CACNA1C: variants seen among roughly 807,000 people sequenced by gnomAD.
CACNA1C encodes the protein voltage-dependent L-type calcium channel subunit alpha-1C.
In CACNA1C, 30 loss-of-function variants were observed where a neutral mutation model predicts 229.0. The observed-to-expected ratio is 0.13, with a 90% CI of 0.10 to 0.18. The LOEUF is 0.18. Ranked by LOEUF, CACNA1C falls within the 10% of genes least tolerant of loss-of-function variation. The probability of loss-of-function intolerance (pLI) is 1.00; values close to 1 mark genes in which losing one functional copy is unlikely to be tolerated. For synonymous variants in CACNA1C, 1,114 were observed against 1,132.5 expected (o/e 0.98, Z 0.33); for missense variants, 1,658 against 2,845.0 (o/e 0.58, Z 9.49).
At chr12:2,436,693 TGGAA>T (rs2099138237) in intron 3 of CACNA1C, among the ~76,000 whole-genome samples, 1 of 152,098 alleles carries the variant, frequency 6.6e-6, no homozygotes, top group South Asian at 2.1e-4. Context: ...TGATAAGGGG[TGGAA>T]GCACTGGGCA....
At chr12:2,243,424 A>G (rs2071488785) in intron 3 of CACNA1C, among the ~76,000 whole-genome samples, 1 of 152,252 alleles carries the variant, frequency 6.6e-6, no homozygotes, top group South Asian at 2.1e-4. Context: ...CTGGTGGCTC[A>G]TAGTCCTAAA....
intron 3 of CACNA1C, among the ~76,000 whole-genome samples, chr12:2,205,851 C>G (rs561901857): frequency 6.6e-6 from 1 of 152,134 alleles, no homozygotes; most frequent in Non-Finnish European, 1.5e-5. Context: ...CTTCCTGGCT[C>G]GTGGACATTT....
rs2097805288 is a variant in CACNA1C, at chr12:2,693,172, C to G, written c.*1973C>G. On this transcript the variant is annotated 3_prime_UTR_variant, in exon 47 of 47. Transcript: ENST00000399655. ...GCCTCTTGCTGTGAGAGACCAGGACCTATTTTATTCCAGTCTTCACTCTGT... is the reference window on the plus strand; with the variant it reads ...GCCTCTTGCTGTGAGAGACCAGGACGTATTTTATTCCAGTCTTCACTCTGT... The G allele has an allele frequency of 1.3e-5, 2 of 152,166 alleles. No individual in the cohort carries two copies. The highest frequency in any genetic ancestry group is 4.8e-5 in the African/African-American group (2 of 41,430). The allele number at this position is 152,166 out of a possible 1,614,324, so 9.4% of individuals were successfully genotyped here.
At chr12:2,304,061 C>T (rs2094807541) in intron 3 of CACNA1C, among the ~76,000 whole-genome samples, 1 of 152,172 alleles carries the variant, frequency 6.6e-6, no homozygotes, top group African/African-American at 2.4e-5. Context: ...AAGAAAGCTG[C>T]AACATGTGCC....
chr12:2,128,010 C>G (rs1445733949), intron 3 of CACNA1C, among the ~76,000 whole-genome samples: 2 of 152,196 alleles, frequency 1.3e-5, no homozygotes, highest in Non-Finnish European at 2.9e-5. Flanking sequence ...CCCTCTTGTT[C>G]ATGGCTGTAT....
chr12:2,052,421 C>G (rs1272283255), upstream of CACNA1C, among the ~76,000 whole-genome samples: 1 of 152,090 alleles, frequency 6.6e-6, no homozygotes, highest in Non-Finnish European at 1.5e-5. Flanking sequence ...GTGGCCCGAT[C>G]CGAAACGAGA....
intron 3 of CACNA1C, among the ~76,000 whole-genome samples, chr12:2,299,745 T>G (rs753262214): frequency 6.6e-6 from 1 of 151,648 alleles, no homozygotes; most frequent in Non-Finnish European, 1.5e-5. Context: ...TTCCTAGGAG[T>G]GAAGATTTTA....
intron 3 of CACNA1C, among the ~76,000 whole-genome samples, chr12:2,171,495 C>T (rs969603515): frequency 1.3e-4 from 20 of 152,172 alleles, no homozygotes; most frequent in African/African-American, 4.8e-4. Flanking sequence ...GTGGGGACTC[C>T]ACAGGGTTCC....
At chr12:2,184,405 T>G in intron 3 of CACNA1C, among the ~76,000 whole-genome samples, 1 of 152,212 alleles carries the variant, frequency 6.6e-6, no homozygotes, top group South Asian at 2.1e-4. Flanking sequence ...CTGGTTGCTG[T>G]AGATGATCTG....
chr12:2,439,042 C>A (rs1304137954), intron 3 of CACNA1C, among the ~76,000 whole-genome samples: 8 of 152,194 alleles, frequency 5.3e-5, no homozygotes, highest in Non-Finnish European at 1.2e-4. Flanking sequence ...CACTCCATTG[C>A]CCCCAAAGAA....
intron 3 of CACNA1C, among the ~76,000 whole-genome samples, chr12:2,408,262 A>G (rs939915808): frequency 6.6e-6 from 1 of 152,220 alleles, no homozygotes; most frequent in Non-Finnish European, 1.5e-5. Context: ...GGGATTTATT[A>G]TTTATTAAAT....
At chr12:2,308,948 T>C (rs1644003512) in intron 3 of CACNA1C, among the ~76,000 whole-genome samples, 1 of 151,970 alleles carries the variant, frequency 6.6e-6, no homozygotes, top group Non-Finnish European at 1.5e-5. Context: ...CTCAAAAAAA[T>C]GAAAATAGAA....
At chr12:2,019,713 C>G (rs1280428816) in intron 1 of CACNA1C, among the ~76,000 whole-genome samples, 1 of 152,138 alleles carries the variant, frequency 6.6e-6, no homozygotes, top group Non-Finnish European at 1.5e-5. Context: ...ATTTGATTTG[C>G]TCACAGATTG....
intron 9 of CACNA1C, among the ~76,000 whole-genome samples, chr12:2,541,943 G>A (rs1378850224): frequency 1.3e-5 from 2 of 152,070 alleles, no homozygotes; most frequent in Admixed American, 6.6e-5. Flanking sequence ...AAAAAGCTCC[G>A]AGACGGGGGC....
chr12:2,505,143 G>A (rs1245053629), intron 8 of CACNA1C, among the ~76,000 whole-genome samples, 198 bp downstream of exon 8: 4 of 152,040 alleles, frequency 2.6e-5, no homozygotes, highest in African/African-American at 9.7e-5. Context: ...GGACAATGGA[G>A]GAGAGCTGGC....
chr12:2,688,295 G>C (rs994003880), intron 45 of CACNA1C, among the ~76,000 whole-genome samples, 152 bp from the exon 46 acceptor site: 2 of 152,246 alleles, frequency 1.3e-5, no homozygotes, highest in African/African-American at 4.8e-5. Flanking sequence ...GGTTGAGATA[G>C]GACCGACAGG....
intron 3 of CACNA1C, among the ~76,000 whole-genome samples, chr12:2,312,814 A>ATT (rs371489291): frequency 6.0e-5 from 9 of 150,084 alleles, no homozygotes; most frequent in African/African-American, 2.2e-4. Flanking sequence ...AGCCTCAGGG[A>ATT]TTTTTTTTTT....
At chr12:2,323,529 G>A (rs2096126933) in intron 3 of CACNA1C, among the ~76,000 whole-genome samples, 1 of 152,088 alleles carries the variant, frequency 6.6e-6, no homozygotes, top group African/African-American at 2.4e-5. Context: ...ATCTTCAGCT[G>A]GCCCCACCAC....
chr12:2,549,793 T>C (rs1337871139), intron 9 of CACNA1C, 150 bp from the exon 10 acceptor site: 1 of 648,092 alleles, frequency 1.5e-6, no homozygotes, highest in Non-Finnish European at 2.8e-6. Flanking sequence ...ATCAAGGGGA[T>C]CTGTGCAGAT....
Sources: allele counts gnomAD v4.1 joint callset (sites outside exome capture counted in the v4.1 genomes callset), GRCh38; gene constraint gnomAD v4.1.1; transcripts MANE v1.5; gene names NCBI Gene and HGNC (gene_info 2026-07-23, HGNC 2026-07-21).